SLC44A5: variants seen among roughly 807,000 people sequenced by gnomAD.
SLC44A5 encodes the protein choline transporter-like protein 5.
In SLC44A5, 57 loss-of-function variants were observed where a neutral mutation model predicts 101.8. The ratio of observed to expected loss-of-function variants is 0.56; its 90% CI spans 0.45 to 0.70. The LOEUF (loss-of-function observed/expected upper bound fraction) is 0.70, where lower values mean the gene tolerates loss of function less well. Ranked by LOEUF, SLC44A5 falls within the 30% of genes least tolerant of loss-of-function variation. SLC44A5 has a pLI of 0.00. For synonymous variants in SLC44A5, 281 were observed against 290.9 expected (o/e 0.97, Z 0.35); for missense variants, 737 against 853.1 (o/e 0.86, Z 1.70).
intron 2 of SLC44A5, among the ~76,000 whole-genome samples, chr1:75,401,711 AT>A (rs1211874599): frequency 6.6e-6 from 1 of 152,136 alleles, no homozygotes; most frequent in African/African-American, 2.4e-5. Context: ...CCCCATCTAG[AT>A]GCCCTTGTAA....
At chr1:75,511,523 A>G (rs2101871355) in intron 2 of SLC44A5, among the ~76,000 whole-genome samples, 1 of 152,350 alleles carries the variant, frequency 6.6e-6, no homozygotes, top group African/African-American at 2.4e-5. Context: ...TCAGCCTAGC[A>G]GAGTATTTCT....
the SLC44A5 span, among the ~76,000 whole-genome samples, chr1:75,722,896 T>A: frequency 6.6e-6 from 1 of 152,238 alleles, no homozygotes; most frequent in Non-Finnish European, 1.5e-5. Flanking sequence ...AATAAAGAAA[T>A]CAATGTACTT....
intron 2 of SLC44A5, among the ~76,000 whole-genome samples, chr1:75,448,886 C>T (rs1389008578): frequency 6.6e-6 from 1 of 152,124 alleles, no homozygotes; most frequent in African/African-American, 2.4e-5. Context: ...AGATTTGACT[C>T]TCCTTTCCTC....
At chr1:75,552,290 C>T (rs1230769481) in intron 1 of SLC44A5, among the ~76,000 whole-genome samples, 1 of 152,078 alleles carries the variant, frequency 6.6e-6, no homozygotes, top group Non-Finnish European at 1.5e-5. Context: ...ATTCTCAGCA[C>T]TTAGCACCCA....
intron 6 of SLC44A5, among the ~76,000 whole-genome samples, chr1:75,252,119 G>T (rs1649627854): frequency 6.6e-6 from 1 of 152,170 alleles, no homozygotes; most frequent in African/African-American, 2.4e-5. Flanking sequence ...CCCAACCCTT[G>T]AGAGTCCAAA....
chr1:75,420,150 A>T (rs1249044246), intron 2 of SLC44A5, among the ~76,000 whole-genome samples: 4 of 152,038 alleles, frequency 2.6e-5, no homozygotes, highest in Non-Finnish European at 5.9e-5. Context: ...TAAACGAGGA[A>T]ACAGGCCCTC....
chr1:75,266,468 T>A (rs1470470169), intron 6 of SLC44A5, among the ~76,000 whole-genome samples: 1 of 152,226 alleles, frequency 6.6e-6, no homozygotes, highest in Non-Finnish European at 1.5e-5. Context: ...TGCAACTGTC[T>A]GTGTGTAACC....
At chr1:75,233,957 T>A (rs529196221) in intron 12 of SLC44A5, 29 bp downstream of exon 12, 3 of 1,441,934 alleles carry the variant, frequency 2.1e-6, no homozygotes, top group Non-Finnish European at 2.9e-6. Flanking sequence ...ATTCTGATAT[T>A]TGATAATTTG....
At chr1:75,554,221 A>G (rs1672098199) in intron 1 of SLC44A5, among the ~76,000 whole-genome samples, 1 of 152,134 alleles carries the variant, frequency 6.6e-6, no homozygotes, top group Admixed American at 6.6e-5. Flanking sequence ...TCATGCCTGT[A>G]ATCCCAGTGC....
intron 3 of SLC44A5, among the ~76,000 whole-genome samples, chr1:75,391,746 G>T (rs1224029206): frequency 6.6e-6 from 1 of 152,142 alleles, no homozygotes; most frequent in Admixed American, 6.5e-5. Context: ...ATATTTAAAT[G>T]TAAGACCTCA....
At chr1:75,389,892 G>T (rs534156873) in intron 3 of SLC44A5, among the ~76,000 whole-genome samples, 1 of 151,926 alleles carries the variant, frequency 6.6e-6, no homozygotes, top group African/African-American at 2.4e-5. Context: ...TCTTTGAAAG[G>T]AGAAACAAAT....
At chr1:75,222,984 C>A (rs1410985630) in intron 13 of SLC44A5, among the ~76,000 whole-genome samples, 1 of 152,022 alleles carries the variant, frequency 6.6e-6, no homozygotes, top group Non-Finnish European at 1.5e-5. Flanking sequence ...CCCAACTTGG[C>A]CAATATAAGT....
chr1:75,360,391 A>T (rs1183025810), intron 3 of SLC44A5, among the ~76,000 whole-genome samples: 1 of 151,598 alleles, frequency 6.6e-6, no homozygotes, highest in Non-Finnish European at 1.5e-5. Flanking sequence ...GCTGGTTTTG[A>T]ACTCCTGGCT....
At chr1:75,480,933 C>A (rs963286902) in intron 2 of SLC44A5, among the ~76,000 whole-genome samples, 3 of 152,136 alleles carry the variant, frequency 2.0e-5, no homozygotes, top group Admixed American at 6.5e-5. Context: ...CAAAAAAGAG[C>A]CCTCATCGTC....
At chr1:75,692,182 ATTCTTTTTTTT>A in the SLC44A5 span, among the ~76,000 whole-genome samples, 1 of 107,520 alleles carries the variant, frequency 9.3e-6, no homozygotes, top group Non-Finnish European at 1.9e-5. Context: ...AAAAGATGGG[ATTCTTTTTTTT>A]TTTTTTTTTT....
At chr1:75,525,555 G>C (rs1048596267) in intron 2 of SLC44A5, among the ~76,000 whole-genome samples, 1 of 151,938 alleles carries the variant, frequency 6.6e-6, no homozygotes, top group Non-Finnish European at 1.5e-5. Context: ...GAAATAAAGG[G>C]ATTTTGAGAT....
Position 75,562,711 on chromosome 1 carries a change from G to A in SLC44A5, c.-69-21195C>T, listed in dbSNP as rs113958259. ...TCACAAAAAAATATATATAATTTTC[G>A]TCTCTTAAGTCTTGAGTAATTTTTC... On this transcript the variant is annotated intron_variant, in intron 1 of 23. Transcript: ENST00000370859. Among the ~76,000 whole-genome samples the A allele has an allele frequency of 2.8e-3, 425 of 152,096 alleles. 2 individuals carry two copies. The highest frequency in any genetic ancestry group is 5.5e-3 in the Admixed American group (84 of 15,274).
chr1:75,591,960 G>A (rs1478775664), intron 1 of SLC44A5, among the ~76,000 whole-genome samples: 1 of 152,070 alleles, frequency 6.6e-6, no homozygotes, highest in Non-Finnish European at 1.5e-5. Flanking sequence ...TTTCCTCTAA[G>A]ATATGGGACA....
intron 2 of SLC44A5, among the ~76,000 whole-genome samples, chr1:75,443,971 T>C (rs1421202933): frequency 7.9e-5 from 12 of 152,054 alleles, no homozygotes; most frequent in Non-Finnish European, 1.5e-4. Context: ...AAAGAACAAT[T>C]ATACATATGG....
Sources: gnomAD v4.1 joint callset for allele counts (sites outside exome capture counted in the v4.1 genomes callset) on GRCh38, gnomAD v4.1.1 for gene constraint, MANE v1.5 for transcripts, NCBI Gene and HGNC (gene_info 2026-07-23, HGNC 2026-07-21) for gene names.